MAD1L1: variants seen among roughly 807,000 people sequenced by gnomAD.
MAD1L1 encodes the protein mitotic spindle assembly checkpoint protein MAD1.
Under a neutral mutation model 96.9 loss-of-function variants are expected in MAD1L1, and 95 were observed. The observed-to-expected ratio is 0.98, with a 90% CI of 0.83 to 1.16. The LOEUF (loss-of-function observed/expected upper bound fraction) is 1.16. Ranked by LOEUF, MAD1L1 falls within the 50% of genes most tolerant of loss-of-function variation. The pLI is 0.00. For missense variants in MAD1L1, 1,007 were observed against 954.4 expected (o/e 1.06, Z -0.73); for synonymous variants, 473 against 396.6 (o/e 1.19, Z -2.29).
At chr7:2,040,700 G>A (rs1362184320) in intron 12 of MAD1L1, among the ~76,000 whole-genome samples, 5 of 152,174 alleles carry the variant, frequency 3.3e-5, no homozygotes, top group African/African-American at 1.2e-4. Flanking sequence ...AGAGGCAGAC[G>A]AGGAAACCTG....
chr7:2,005,166 C>G (rs2128493913), intron 13 of MAD1L1, among the ~76,000 whole-genome samples: 1 of 152,238 alleles, frequency 6.6e-6, no homozygotes, highest in East Asian at 1.9e-4. Flanking sequence ...CTGAGTGCTC[C>G]CCAGGAGGCG....
chr7:1,819,532 T>C (rs1166565428), intron 18 of MAD1L1, among the ~76,000 whole-genome samples: 1 of 152,208 alleles, frequency 6.6e-6, no homozygotes, highest in East Asian at 1.9e-4. Context: ...CTCTGCAGCA[T>C]GTCCGTGGAA....
intron 18 of MAD1L1, among the ~76,000 whole-genome samples, chr7:1,888,052 C>A (rs893607540): frequency 1.4e-5 from 2 of 141,524 alleles, no homozygotes; most frequent in African/African-American, 5.3e-5. Flanking sequence ...TGTGTGTGAG[C>A]CTTCATCCGT....
chr7:1,827,404 G>T, intron 18 of MAD1L1, among the ~76,000 whole-genome samples: 1 of 151,078 alleles, frequency 6.6e-6, no homozygotes, highest in Non-Finnish European at 1.5e-5. Context: ...GCCCCGCCCA[G>T]GTGTGGGGTC....
intron 17 of MAD1L1, among the ~76,000 whole-genome samples, chr7:1,916,763 G>C (rs1002755177): frequency 1.3e-5 from 2 of 152,120 alleles, no homozygotes; most frequent in African/African-American, 2.4e-5. Context: ...AATGACAGTA[G>C]TCCCGATCCC....
intron 10 of MAD1L1, among the ~76,000 whole-genome samples, chr7:2,196,057 G>A (rs991490405): frequency 6.6e-6 from 1 of 152,240 alleles, no homozygotes. Context: ...ATGGATGGAG[G>A]TTATTGAGGG....
rs574872865 is a variant in MAD1L1, at chr7:2,132,460, T to G, written c.1073+16692A>C. Among the ~76,000 whole-genome samples the G allele has an allele frequency of 3.2e-3, 310 of 97,522 alleles. 3 individuals are homozygous for G. Among genetic ancestry groups the G allele is most frequent in the Middle Eastern group, 8.8e-3 (2 of 226 alleles). The allele number at this position is 97,522 out of a possible 152,430, so 64.0% of individuals were successfully genotyped here. A position where few individuals can be genotyped will look rare whatever the true frequency, so the allele number is the denominator to read the frequency against. ...CGTCCACCATCACGGCCGCGTGCAG[T>G]CGGTCCACTGCTGCGTGCGACTGCG... On this transcript the variant is annotated intron_variant, in intron 11 of 18. Transcript: ENST00000265854.
intron 18 of MAD1L1, among the ~76,000 whole-genome samples, chr7:1,893,544 G>A (rs896890471): frequency 6.6e-5 from 10 of 152,132 alleles, no homozygotes; most frequent in Non-Finnish European, 1.2e-4. Context: ...GAGTGGGTGG[G>A]GCAGGGGGCC....
intron 12 of MAD1L1, among the ~76,000 whole-genome samples, chr7:2,023,697 C>G (rs1782880847): frequency 6.6e-6 from 1 of 152,158 alleles, no homozygotes; most frequent in African/African-American, 2.4e-5. Flanking sequence ...GCCTGTTATC[C>G]CAGCACTTTG....
intron 18 of MAD1L1, among the ~76,000 whole-genome samples, chr7:1,827,793 C>T (rs1392711334): frequency 1.3e-5 from 2 of 151,800 alleles, no homozygotes; most frequent in South Asian, 2.1e-4. Flanking sequence ...CTCCTGAGCC[C>T]GTCCCGGGTG....
intron 13 of MAD1L1, among the ~76,000 whole-genome samples, chr7:2,007,291 G>A (rs1333302444): frequency 6.6e-6 from 1 of 152,242 alleles, no homozygotes; most frequent in Admixed American, 6.5e-5. Flanking sequence ...ACAGCGGAGC[G>A]TTCTCCCAGC....
At chr7:1,945,338 T>C (rs575931870) in intron 16 of MAD1L1, among the ~76,000 whole-genome samples, 2 of 152,326 alleles carry the variant, frequency 1.3e-5, no homozygotes, top group South Asian at 4.1e-4. Flanking sequence ...ATGTGGAAGA[T>C]GTGTTTGCTG....
intron 18 of MAD1L1, among the ~76,000 whole-genome samples, chr7:1,871,577 C>G (rs554742040): frequency 8.2e-5 from 12 of 146,700 alleles, no homozygotes; most frequent in Non-Finnish European, 1.5e-4. Flanking sequence ...ACGCCTGCCA[C>G]GCCGAACCCA....
At chr7:2,006,731 T>A (rs1000183938) in intron 13 of MAD1L1, among the ~76,000 whole-genome samples, 2 of 151,770 alleles carry the variant, frequency 1.3e-5, no homozygotes, top group African/African-American at 4.8e-5. Context: ...AGGCAGGACA[T>A]TGGGGTCCCG....
intron 12 of MAD1L1, among the ~76,000 whole-genome samples, chr7:2,068,343 C>A (rs564249890): frequency 3.3e-5 from 5 of 152,192 alleles, no homozygotes; most frequent in Admixed American, 1.3e-4. Flanking sequence ...ATCTTTGGAA[C>A]GGAAATGTTA....
intron 17 of MAD1L1, among the ~76,000 whole-genome samples, chr7:1,917,119 C>G (rs1018264543): frequency 2.0e-5 from 3 of 152,218 alleles, no homozygotes; most frequent in African/African-American, 7.2e-5. Context: ...GCACCCAGTT[C>G]CCTCCATCCA....
At chr7:1,907,405 G>C (rs1003261187) in intron 17 of MAD1L1, among the ~76,000 whole-genome samples, 5 of 152,214 alleles carry the variant, frequency 3.3e-5, no homozygotes, top group Non-Finnish European at 5.9e-5. Context: ...TCTAAACAAT[G>C]AATCAAATAC....
intron 10 of MAD1L1, among the ~76,000 whole-genome samples, chr7:2,161,346 A>T (rs1406593057): frequency 6.6e-6 from 1 of 151,804 alleles, no homozygotes; most frequent in Non-Finnish European, 1.5e-5. Flanking sequence ...ACCGCGAGTG[A>T]TCTGCCAGCC....
At chr7:2,073,104 C>T (rs1050631922) in intron 11 of MAD1L1, among the ~76,000 whole-genome samples, 1 of 152,164 alleles carries the variant, frequency 6.6e-6, no homozygotes. Context: ...CAGCCTAGGC[C>T]GCCTCGGTGA....
Sources: allele counts gnomAD v4.1 joint callset (sites outside exome capture counted in the v4.1 genomes callset), GRCh38; gene constraint gnomAD v4.1.1; transcripts MANE v1.5; gene names NCBI Gene and HGNC (gene_info 2026-07-23, HGNC 2026-07-21).